Variants in XIRP2 observed in about 807,000 individuals in gnomAD.
The protein encoded by XIRP2 is xin actin binding repeat containing 2.
In XIRP2, 236 loss-of-function variants were observed where a neutral mutation model predicts 277.0. That is an observed-to-expected ratio of 0.85 (90% CI 0.77 to 0.95). The LOEUF is 0.95. XIRP2 is among the 40% of genes least tolerant of loss of function. The probability of loss-of-function intolerance (pLI) is 0.00; values close to 1 mark genes in which losing one functional copy is unlikely to be tolerated. For missense variants in XIRP2, 4,640 were observed against 4,157.5 expected (o/e 1.12, Z -3.19); for synonymous variants, 1,490 against 1,416.5 (o/e 1.05, Z -1.17).
At position 167,243,989 on chromosome 2, in the gene XIRP2, A is replaced by C; in HGVS notation, c.2597A>C (p.Glu866Ala). The change falls in exon 9 of 11, where the codon GAG becomes GCG. Residue 866 changes from glutamate (E) to alanine (A), a missense_variant. Physicochemically the swap from Glu to Ala is moderately radical, Grantham distance 107 (BLOSUM62 -1). Transcript: ENST00000409195. ...GATGCAGATTCTCTACAACGTGAGG[A>C]GATAATAGGTGGTGATGTACAAACT... ...VPDADSLQRE[E>A]IIGGDVQTTK... The C allele has an allele frequency of 6.2e-7, 1 of 1,613,990 alleles. No homozygotes were observed. Among genetic ancestry groups the C allele is most frequent in the Non-Finnish European group, 8.5e-7 (1 of 1,179,924 alleles).
chr2:166,945,773 G>A (rs1685847825), intron 2 of XIRP2, among the ~76,000 whole-genome samples: 1 of 145,960 alleles, frequency 6.9e-6, no homozygotes. Flanking sequence ...CCGGGTTCAA[G>A]CGATTCTCCT....
intron 3 of XIRP2, among the ~76,000 whole-genome samples, chr2:167,172,118 G>A (rs980023012): frequency 6.6e-6 from 1 of 152,116 alleles, no homozygotes; most frequent in African/African-American, 2.4e-5. Flanking sequence ...TAAAGGGAAA[G>A]ATTACAAATG....
At chr2:167,150,967 C>A (rs1691998466) in intron 3 of XIRP2, among the ~76,000 whole-genome samples, 1 of 152,018 alleles carries the variant, frequency 6.6e-6, no homozygotes, top group South Asian at 2.1e-4. Context: ...TTGCAAGAGA[C>A]TTGCAAGTTT....
intron 2 of XIRP2, among the ~76,000 whole-genome samples, chr2:166,980,544 G>A (rs1420632165): frequency 2.0e-5 from 3 of 152,062 alleles, no homozygotes; most frequent in African/African-American, 7.2e-5. Flanking sequence ...AGCCTCCCGA[G>A]TAGCTGGAAT....
chr2:167,214,222 GAGGGAGGA>G (rs1414456935), intron 4 of XIRP2, among the ~76,000 whole-genome samples: 1 of 68,450 alleles, frequency 1.5e-5, no homozygotes, highest in Non-Finnish European at 2.4e-5. Flanking sequence ...GGGAGGGAGG[GAGGGAGGA>G]AGGAAGGAAG....
intron 2 of XIRP2, among the ~76,000 whole-genome samples, chr2:166,995,865 G>T (rs78136522): frequency 6.6e-6 from 1 of 152,020 alleles, no homozygotes; most frequent in African/African-American, 2.4e-5. Flanking sequence ...ACTTCTTATC[G>T]CAGAGCCTAT....
In XIRP2 at chr2:166,890,576, T is replaced by A. The variant is rs538153677; in HGVS notation, c.-19+2019T>A. On this transcript the variant is annotated intron_variant, in intron 1 of 10. Coordinates refer to ENST00000409195, the MANE Select transcript of XIRP2 (RefSeq NM_152381.6). Reference sequence around the variant, plus strand: ...CTCTCAATAGTAAACTCTAAAAGTTTGTTTTTATTTTTATTATTCACACTG... The same window carrying A: ...CTCTCAATAGTAAACTCTAAAAGTTAGTTTTTATTTTTATTATTCACACTG... 2.0e-5 allele frequency among the ~76,000 whole-genome samples: 3 copies of A among 152,302 alleles called. No homozygotes were observed. The East Asian group carries it at 5.8e-4, about 29-fold the overall frequency.
intron 2 of XIRP2, among the ~76,000 whole-genome samples, chr2:167,074,708 C>T (rs958471694): frequency 8.6e-5 from 13 of 151,782 alleles, no homozygotes; most frequent in African/African-American, 2.2e-4. Flanking sequence ...AACAGAATCC[C>T]GGCTCACTGC....
intron 9 of XIRP2, among the ~76,000 whole-genome samples, chr2:167,253,485 C>T (rs769374068): frequency 6.6e-6 from 1 of 151,754 alleles, no homozygotes; most frequent in Non-Finnish European, 1.5e-5. Context: ...ACAGTCAACT[C>T]TAAGTCATCA....
At chr2:166,935,862 G>C (rs547363490) in intron 2 of XIRP2, among the ~76,000 whole-genome samples, 1 of 152,114 alleles carries the variant, frequency 6.6e-6, no homozygotes, top group Non-Finnish European at 1.5e-5. Context: ...GAATAGTGCC[G>C]CAATAAACAT....
chr2:166,911,363 C>T (rs189577082), intron 2 of XIRP2, among the ~76,000 whole-genome samples: 4 of 152,018 alleles, frequency 2.6e-5, no homozygotes, highest in East Asian at 1.9e-4. Flanking sequence ...TTTACCATTA[C>T]GTAATGGCCT....
chr2:166,910,445 G>A (rs533764469), intron 2 of XIRP2, among the ~76,000 whole-genome samples: 1 of 152,146 alleles, frequency 6.6e-6, no homozygotes, highest in African/African-American at 2.4e-5. Flanking sequence ...ATTTCTGTGG[G>A]ATCGGTGGTG....
intron 2 of XIRP2, among the ~76,000 whole-genome samples, chr2:167,087,627 C>T (rs57166589): frequency 0.036 from 5,296 of 147,936 alleles, 289 homozygotes; most frequent in African/African-American, 0.12. Flanking sequence ...GAGCCAGGTG[C>T]GGGATATAAT....
At chr2:167,063,806 T>G (rs1278694552) in intron 2 of XIRP2, among the ~76,000 whole-genome samples, 1 of 151,698 alleles carries the variant, frequency 6.6e-6, no homozygotes, top group Non-Finnish European at 1.5e-5. Flanking sequence ...TAAATCTTGG[T>G]GTCTTTATAT....
intron 3 of XIRP2, among the ~76,000 whole-genome samples, chr2:167,205,562 G>T (rs572122236): frequency 3.3e-5 from 5 of 152,164 alleles, no homozygotes; most frequent in East Asian, 3.9e-4. Context: ...TTCATAGTGG[G>T]ATGGTATCTT....
intron 2 of XIRP2, among the ~76,000 whole-genome samples, chr2:166,944,417 A>G (rs955884082): frequency 6.6e-6 from 1 of 152,228 alleles, no homozygotes; most frequent in Admixed American, 6.5e-5. Flanking sequence ...TGTCTTAGCC[A>G]GTGATAACAG....
At chr2:166,915,067 G>A (rs1174213390) in intron 2 of XIRP2, among the ~76,000 whole-genome samples, 2 of 151,896 alleles carry the variant, frequency 1.3e-5, no homozygotes, top group Non-Finnish European at 2.9e-5. Flanking sequence ...GGAGGCCGAG[G>A]CAGGTGGATC....
intron 2 of XIRP2, among the ~76,000 whole-genome samples, chr2:166,941,433 G>T (rs1685712215): frequency 1.3e-5 from 2 of 152,202 alleles, no homozygotes; most frequent in Admixed American, 1.3e-4. Flanking sequence ...CTCACGCTCA[G>T]TGGGCTATAT....
At chr2:166,937,432 C>T (rs1298434918) in intron 2 of XIRP2, among the ~76,000 whole-genome samples, 1 of 152,054 alleles carries the variant, frequency 6.6e-6, no homozygotes, top group Non-Finnish European at 1.5e-5. Flanking sequence ...GCCTTGCATC[C>T]CAGGGATGAA....
Sources: allele counts gnomAD v4.1 joint callset (sites outside exome capture counted in the v4.1 genomes callset), GRCh38; gene constraint gnomAD v4.1.1; transcripts MANE v1.5; gene names NCBI Gene and HGNC (gene_info 2026-07-23, HGNC 2026-07-21).